Variants in GNB5 observed in about 807,000 individuals in gnomAD.
The protein encoded by GNB5 is guanine nucleotide-binding protein subunit beta-5.
In GNB5, 37 loss-of-function variants were observed where a neutral mutation model predicts 55.3. The ratio of observed to expected loss-of-function variants is 0.67; its 90% confidence interval spans 0.51 to 0.88. The LOEUF (loss-of-function observed/expected upper bound fraction) is 0.88. Ranked by LOEUF, GNB5 falls within the 40% of genes least tolerant of loss-of-function variation. The pLI, the probability that GNB5 is intolerant of heterozygous loss-of-function variation, is 0.00. For missense variants in GNB5, 476 were observed against 515.3 expected (o/e 0.92, Z 0.74); for synonymous variants, 219 against 198.5 (o/e 1.10, Z -0.87).
In GNB5 at chr15:52,117,930, CCACT is replaced by C. The variant is rs1187876847; in HGVS notation, c.*4823_*4826del. 6.6e-5 allele frequency: 10 copies of C among 152,602 alleles called. No individual in the cohort carries two copies. The highest frequency in any genetic ancestry group is 1.9e-4 in the East Asian group (1 of 5,220). 9.5% of individuals were successfully genotyped at this position (152,602 alleles called of 1,614,324 possible). On this transcript the variant is annotated 3_prime_UTR_variant, in exon 13 of 13. Coordinates refer to ENST00000261837, the MANE Select transcript of GNB5 (RefSeq NM_016194.4). ...TTGGGAAATGAAGATCTACAAATCC[CCACT>C]CAATCAGCTCTTCCAGGCTTGGGAA...
intron 5 of GNB5, chr15:52,149,311 A>G: frequency 6.2e-6 from 1 of 160,318 alleles, no homozygotes; most frequent in Non-Finnish European, 1.4e-5. Flanking sequence ...GTAAATGCCA[A>G]TGCAATGCAG....
At chr15:52,130,614 G>C (rs948666323) in intron 9 of GNB5, among the ~76,000 whole-genome samples, 2 of 152,082 alleles carry the variant, frequency 1.3e-5, no homozygotes, top group Non-Finnish European at 1.5e-5. Flanking sequence ...TTTTCTCTCT[G>C]TCTCTCTCTC....
At position 52,147,510 on chromosome 15, in the gene GNB5, G is replaced by A. The variant is rs1566939785; in HGVS notation, c.443C>T (p.Thr148Met). 7 of 1,604,344 alleles carry A rather than the reference G, an allele frequency of 4.4e-6. No homozygotes were observed. Among genetic ancestry groups the A allele is most frequent in the African/African-American group, 1.3e-5 (1 of 74,562 alleles). The change falls in exon 6 of 13, where the codon ACG becomes ATG. Residue 148 changes from threonine (T) to methionine (M), a missense_variant. By Grantham distance (81) the Thr-to-Met change is moderately conservative (BLOSUM62 -1). Transcript: ENST00000261837. The part of the protein sequence containing the change: ...NKEHAVTMPC[T>M]WVMACAYAPS... ...GGCATAAGCACATGCCATCACCCAC[G>A]TGCAGGGCATGGTGACCGCGTGCTC... is the stretch of plus-strand genomic sequence containing the variant.
intron 3 of GNB5, among the ~76,000 whole-genome samples, chr15:52,155,734 T>C (rs1238804915): frequency 6.6e-6 from 1 of 152,174 alleles, no homozygotes; most frequent in African/African-American, 2.4e-5. Context: ...AAAACACATT[T>C]GGCAGGGACA....
chr15:52,172,488 G>A (rs758911170), intron 3 of GNB5, among the ~76,000 whole-genome samples: 1 of 151,898 alleles, frequency 6.6e-6, no homozygotes, highest in Non-Finnish European at 1.5e-5. Flanking sequence ...ATTATAAAAA[G>A]CAGTAAATGT....
Position 52,153,933 on chromosome 15 carries a change from G to A in GNB5, c.375+7C>T. The A allele has an allele frequency of 6.2e-7, 1 of 1,610,042 alleles. No individual in the cohort carries two copies. Among genetic ancestry groups the A allele is most frequent in the Non-Finnish European group, 8.5e-7 (1 of 1,177,002 alleles). On this transcript the variant is annotated splice_region_variant and intron_variant, in intron 4 of 12. Coordinates refer to ENST00000261837, the MANE Select transcript of GNB5 (RefSeq NM_016194.4). The stretch of plus-strand genomic sequence containing the variant: ...CGCTCACCTGTTATGCAGCAGGTGT[G>A]ACATACCTGTGACGAGCTCACGATC...
At position 52,121,612 on chromosome 15, in the gene GNB5, T is replaced by C. The variant is rs1411627924; in HGVS notation, c.*1145A>G. On this transcript the variant is annotated 3_prime_UTR_variant, in exon 13 of 13. Transcript: ENST00000261837. ...GCAATGCAATACATATGAATATAAT[T>C]TTTTTTTTTTTTTGAGACGGAGTCT... is the stretch of plus-strand genomic sequence containing the variant. The C allele has an allele frequency of 8.9e-6, 1 of 112,840 alleles. No individual in the cohort carries two copies. The highest frequency in any genetic ancestry group is 1.1e-4 in the Admixed American group (1 of 8,700). The allele number at this position is 112,840 out of a possible 1,614,324, so 7.0% of individuals were successfully genotyped here.
At chr15:52,185,201 C>T (rs553254139) in intron 1 of GNB5, among the ~76,000 whole-genome samples, 1 of 152,348 alleles carries the variant, frequency 6.6e-6, no homozygotes, top group South Asian at 2.1e-4. Context: ...GCCAAAGACC[C>T]AGGGTCCCTG....
At chr15:52,175,389 G>A (rs866657093) in intron 3 of GNB5, among the ~76,000 whole-genome samples, 17 of 152,162 alleles carry the variant, frequency 1.1e-4, no homozygotes, top group African/African-American at 3.4e-4. Context: ...AGGTCATCAC[G>A]AAGCAGGGGC....
intron 3 of GNB5, among the ~76,000 whole-genome samples, chr15:52,162,174 A>G (rs1356860633): frequency 2.6e-5 from 4 of 152,186 alleles, no homozygotes; most frequent in Non-Finnish European, 5.9e-5. Flanking sequence ...GTGAATGCAT[A>G]TCTCCTCGGA....
intron 3 of GNB5, among the ~76,000 whole-genome samples, chr15:52,171,093 C>CAAA (rs58181494): frequency 1.0e-3 from 73 of 72,586 alleles, no homozygotes; most frequent in Middle Eastern, 6.9e-3. Context: ...ACTCTATCTC[C>CAAA]AAAAAAAAAA....
intron 6 of GNB5, 138 bp from the exon 7 acceptor site, chr15:52,141,410 T>C: frequency 1.5e-6 from 1 of 663,778 alleles, no homozygotes; most frequent in Non-Finnish European, 2.5e-6. Context: ...ACTTTTACTT[T>C]GAAGATTTTC....
intron 3 of GNB5, among the ~76,000 whole-genome samples, chr15:52,164,255 C>T (rs1202495094): frequency 7.0e-6 from 1 of 143,816 alleles, no homozygotes; most frequent in Non-Finnish European, 1.5e-5. Flanking sequence ...TTGCAGTGAG[C>T]CGAGATGGTG....
In GNB5 at chr15:52,147,588, T is replaced by C. The variant is rs1596075511; in HGVS notation, c.418-53A>G. 4.2e-6 allele frequency: 4 copies of C among 955,024 alleles called. No homozygotes were observed. The Middle Eastern group carries it at 9.4e-4, about 223-fold the overall frequency. The allele number at this position is 955,024 out of a possible 1,614,324, so 59.2% of individuals were successfully genotyped here. On this transcript the variant is annotated intron_variant, in intron 5 of 12. Coordinates refer to ENST00000261837, the MANE Select transcript of GNB5 (RefSeq NM_016194.4). ...AGCACTTCCACACAAAAATCTTTTT[T>C]TTTTTTCTTTTTTTTTGAGATGGAG...
intron 3 of GNB5, among the ~76,000 whole-genome samples, chr15:52,177,111 T>G (rs1596106826): frequency 7.0e-6 from 1 of 142,782 alleles, no homozygotes; most frequent in Non-Finnish European, 1.5e-5. Flanking sequence ...CTCGGCTCAC[T>G]GCAACCTCCA....
chr15:52,154,874 A>C (rs1318936593), intron 3 of GNB5, among the ~76,000 whole-genome samples: 1 of 152,236 alleles, frequency 6.6e-6, no homozygotes, highest in Non-Finnish European at 1.5e-5. Context: ...AGGAGATCCA[A>C]AAGTCAATCT....
chr15:52,170,741 G>A (rs2034539743), intron 3 of GNB5, among the ~76,000 whole-genome samples: 1 of 151,524 alleles, frequency 6.6e-6, no homozygotes, highest in African/African-American at 2.4e-5. Context: ...TCAAACCCCT[G>A]TATGGAAGGA....
In GNB5 at chr15:52,169,497, C is replaced by T. The variant is rs1435918838; in HGVS notation, c.238+10271G>A. 5.3e-5 allele frequency among the ~76,000 whole-genome samples: 7 copies of T among 132,220 alleles called. No homozygotes were observed. In the East Asian group the frequency reaches 1.9e-3, roughly 36 times the overall value. 86.7% of individuals were successfully genotyped at this position (132,220 alleles called of 152,430 possible). A position where few individuals can be genotyped will look rare whatever the true frequency, so the allele number is the denominator to read the frequency against. On this transcript the variant is annotated intron_variant, in intron 3 of 12. Coordinates refer to ENST00000261837, the MANE Select transcript of GNB5 (RefSeq NM_016194.4). ...AGGTTGCAGTGAGCAGAGATCACGC[C>T]ATTGCACTCCAGCCTGGGTGACAAG... is the stretch of plus-strand genomic sequence containing the variant.
rs370121655 is a variant in GNB5, at chr15:52,179,866, C to T, written c.140G>A (p.Gly47Glu). 2 of 1,545,790 alleles carry T rather than the reference C, an allele frequency of 1.3e-6. No homozygotes were observed. The highest frequency in any genetic ancestry group is 1.4e-5 in the African/African-American group (1 of 70,142). Reference sequence around the variant, plus strand: ...CGCCAGCGTCTCGTTCTCGTGCAGCCCCTCGGTTGCCATCTTCGCGCGGGG... The same window carrying T: ...CGCCAGCGTCTCGTTCTCGTGCAGCTCCTCGGTTGCCATCTTCGCGCGGGG... ...STCAEIMATE[G>E]LHENETLASL... The change falls in exon 3 of 13, where the codon GGG becomes GAG. Residue 47 changes from glycine to glutamate, a missense_variant. By Grantham distance (98) the Gly-to-Glu change is moderately conservative. Coordinates refer to ENST00000261837, the MANE Select transcript of GNB5 (RefSeq NM_016194.4).
Sources: gnomAD v4.1 joint callset for allele counts (sites outside exome capture counted in the v4.1 genomes callset) on GRCh38, gnomAD v4.1.1 for gene constraint, MANE v1.5 for transcripts, NCBI Gene and HGNC (gene_info 2026-07-23, HGNC 2026-07-21) for gene names.